The following CSMD1 variants were observed in gnomAD, a reference collection of about 807,000 sequenced individuals.
CSMD1 encodes the protein CUB and Sushi multiple domains 1, also known as CUB and sushi domain-containing protein 1.
Under a neutral mutation model 417.5 loss-of-function variants are expected in CSMD1, and 213 were observed. That is an observed-to-expected ratio of 0.51 (90% CI 0.46 to 0.57). The LOEUF (loss-of-function observed/expected upper bound fraction) is 0.57, where lower values mean the gene tolerates loss of function less well. Among genes scored for constraint, CSMD1 ranks in the 20% least tolerant of loss-of-function variants. CSMD1 has a pLI of 0.00. For missense variants in CSMD1, 6,923 were observed against 4,529.7 expected, an observed-to-expected ratio of 1.53 and a Z score of -15.17; for synonymous variants, 2,862 against 1,736.8, an observed-to-expected ratio of 1.65 and a Z score of -16.11.
At chr8:3,338,005 C>CT (rs752645355) in intron 23 of CSMD1, among the ~76,000 whole-genome samples, 2 of 152,202 alleles carry the variant, frequency 1.3e-5, no homozygotes, top group Non-Finnish European at 2.9e-5. Flanking sequence ...TAGCTTCCTA[C>CT]TTTGGCAGAT....
intron 12 of CSMD1, among the ~76,000 whole-genome samples, chr8:3,458,772 C>A (rs998156818): frequency 2.0e-5 from 3 of 152,142 alleles, no homozygotes; most frequent in Admixed American, 1.3e-4. Flanking sequence ...AAATGGCTCA[C>A]CAAGATGAAG....
At chr8:3,294,468 C>T (rs1449010968) in intron 25 of CSMD1, among the ~76,000 whole-genome samples, 3 of 152,312 alleles carry the variant, frequency 2.0e-5, no homozygotes, top group African/African-American at 2.4e-5. Flanking sequence ...TGGTGGGCTC[C>T]ACCCAGTTCA....
Position 3,052,521 on chromosome 8 carries a change from G to A in CSMD1, c.7601C>T (p.Thr2534Ile), listed in dbSNP as rs1314818012. 2 of 1,603,020 alleles carry A rather than the reference G, an allele frequency of 1.2e-6. No individual in the cohort carries two copies. Among genetic ancestry groups the A allele is most frequent in the Admixed American group, 1.7e-5 (1 of 58,382 alleles). Reference sequence around the variant, plus strand: ...CAACCCATCTTCTTGACACACGGCTGTTGCTTGCTGGCTGGATTCAAGCTT... The same window carrying A: ...CAACCCATCTTCTTGACACACGGCTATTGCTTGCTGGCTGGATTCAAGCTT... Reference protein sequence around the residue: ...GFKLESSQQATAVCQEDGLWS... With the variant: ...GFKLESSQQAIAVCQEDGLWS... The change falls in exon 50 of 70, where the codon ACA becomes ATA. Residue 2534 changes from threonine to isoleucine, a missense_variant. Coordinates refer to ENST00000635120, the MANE Select transcript of CSMD1 (RefSeq NM_033225.6).
intron 12 of CSMD1, among the ~76,000 whole-genome samples, chr8:3,464,709 G>C (rs555883786): frequency 1.3e-5 from 2 of 151,736 alleles, no homozygotes; most frequent in South Asian, 4.2e-4. Context: ...TAGTCATATA[G>C]AGTTTGCTTA....
At chr8:3,847,069 G>C (rs947707910) in intron 5 of CSMD1, among the ~76,000 whole-genome samples, 3 of 152,108 alleles carry the variant, frequency 2.0e-5, no homozygotes, top group African/African-American at 4.8e-5. Context: ...AGCCCTTCCA[G>C]GGTGGGGGAA....
chr8:4,631,514 G>T (rs1802515074), intron 2 of CSMD1, among the ~76,000 whole-genome samples: 1 of 151,132 alleles, frequency 6.6e-6, no homozygotes, highest in African/African-American at 2.4e-5. Context: ...AGTCTAATAT[G>T]ATCCTAATGT....
At chr8:3,987,877 T>C (rs927841139) in intron 5 of CSMD1, among the ~76,000 whole-genome samples, 1 of 152,202 alleles carries the variant, frequency 6.6e-6, no homozygotes, top group Admixed American at 6.5e-5. Flanking sequence ...CCAATCTGTT[T>C]GGCACATTGC....
At chr8:3,906,529 A>C (rs1808122652) in intron 5 of CSMD1, among the ~76,000 whole-genome samples, 1 of 46,402 alleles carries the variant, frequency 2.2e-5, no homozygotes, top group African/African-American at 1.1e-4. Flanking sequence ...CTCACTGTAA[A>C]GAGTGAAGAC....
intron 1 of CSMD1, among the ~76,000 whole-genome samples, chr8:4,847,081 C>T (rs1217129663): frequency 6.6e-6 from 1 of 152,036 alleles, no homozygotes; most frequent in Non-Finnish European, 1.5e-5. Flanking sequence ...AAATAGGGCA[C>T]CACGCTCTGC....
intron 2 of CSMD1, among the ~76,000 whole-genome samples, chr8:4,555,294 TGCAGTG>T (rs1798038080): frequency 6.6e-6 from 1 of 151,986 alleles, no homozygotes; most frequent in Non-Finnish European, 1.5e-5. Context: ...AAAAGACAGG[TGCAGTG>T]GCATGTTTGG....
In CSMD1 at chr8:3,896,326, C is replaced by G. The variant is rs142778683; in HGVS notation, c.818+101577G>C. Among the ~76,000 whole-genome samples the G allele has an allele frequency of 1.9e-3, 284 of 152,188 alleles. 3 individuals carry two copies. Among genetic ancestry groups the G allele is most frequent in the African/African-American group, 6.4e-3 (267 of 41,502 alleles). On this transcript the variant is annotated intron_variant, in intron 5 of 69. Transcript: ENST00000635120. Reference sequence around the variant, plus strand: ...AATGCATAAATGTATTTCCAGATTTCCATATACTCACTTTGCTGAATTAGC... The same window carrying G: ...AATGCATAAATGTATTTCCAGATTTGCATATACTCACTTTGCTGAATTAGC...
At chr8:3,847,359 C>T (rs1012899605) in intron 5 of CSMD1, among the ~76,000 whole-genome samples, 1 of 152,096 alleles carries the variant, frequency 6.6e-6, no homozygotes, top group Non-Finnish European at 1.5e-5. Context: ...GAGAAGGAAG[C>T]AGAAGTGGTC....
At chr8:4,140,534 G>A (rs1803723070) in intron 3 of CSMD1, among the ~76,000 whole-genome samples, 1 of 150,916 alleles carries the variant, frequency 6.6e-6, no homozygotes, top group Non-Finnish European at 1.5e-5. Flanking sequence ...TGAGTGTGGT[G>A]GTGTGCACCT....
chr8:3,953,898 T>A (rs1811748011), intron 5 of CSMD1, among the ~76,000 whole-genome samples: 1 of 152,188 alleles, frequency 6.6e-6, no homozygotes, highest in Non-Finnish European at 1.5e-5. Flanking sequence ...CCCAGGACTG[T>A]GCTCTGGGCC....
chr8:4,248,443 T>G (rs1177185673), intron 3 of CSMD1, among the ~76,000 whole-genome samples: 3 of 152,130 alleles, frequency 2.0e-5, no homozygotes, highest in African/African-American at 7.2e-5. Context: ...GAACATAAGA[T>G]CCTAATTAAA....
chr8:4,308,581 A>C (rs1025902905), intron 3 of CSMD1, among the ~76,000 whole-genome samples: 1 of 152,186 alleles, frequency 6.6e-6, no homozygotes, highest in Admixed American at 6.5e-5. Context: ...TCTTACAGGA[A>C]ATGCTCCTTA....
intron 8 of CSMD1, among the ~76,000 whole-genome samples, chr8:3,611,934 T>G (rs1336690177): frequency 6.6e-6 from 1 of 152,114 alleles, no homozygotes; most frequent in Admixed American, 6.5e-5. Context: ...CATCTAAAAT[T>G]TAAGATGACA....
chr8:4,927,353 C>A (rs576309569), intron 1 of CSMD1, among the ~76,000 whole-genome samples: 1 of 152,092 alleles, frequency 6.6e-6, no homozygotes, highest in South Asian at 2.1e-4. Context: ...CCACCACGCC[C>A]GGCCAAATGC....
intron 2 of CSMD1, among the ~76,000 whole-genome samples, chr8:4,441,506 T>C (rs951118688): frequency 2.6e-5 from 4 of 152,098 alleles, no homozygotes; most frequent in Non-Finnish European, 4.4e-5. Flanking sequence ...AGAGAGAGAA[T>C]GCATTATAAA....
Sources: allele counts gnomAD v4.1 joint callset (sites outside exome capture counted in the v4.1 genomes callset), GRCh38; gene constraint gnomAD v4.1.1; transcripts MANE v1.5; gene names NCBI Gene and HGNC (gene_info 2026-07-23, HGNC 2026-07-21).